Variants in TRPC4AP observed in about 807,000 individuals in gnomAD.
TRPC4AP encodes the protein short transient receptor potential channel 4-associated protein.
In TRPC4AP, 45 loss-of-function variants were observed where a neutral mutation model predicts 99.0. That is an observed-to-expected ratio of 0.45 (90% CI 0.36 to 0.58). The LOEUF (loss-of-function observed/expected upper bound fraction) is 0.58. TRPC4AP is among the 20% of genes least tolerant of loss of function. The probability of loss-of-function intolerance (pLI) is 0.00; values close to 1 mark genes in which losing one functional copy is unlikely to be tolerated. For synonymous variants in TRPC4AP, 408 were observed against 385.8 expected, an observed-to-expected ratio of 1.06 and a Z score of -0.67; for missense variants, 879 against 985.3, an observed-to-expected ratio of 0.89 and a Z score of 1.44.
chr20:35,038,930 C>T (rs1467956144), intron 7 of TRPC4AP, among the ~76,000 whole-genome samples: 1 of 152,036 alleles, frequency 6.6e-6, no homozygotes, highest in Non-Finnish European at 1.5e-5. Flanking sequence ...AAAAATTAGT[C>T]GGGCCTGGTG....
intron 8 of TRPC4AP, among the ~76,000 whole-genome samples, chr20:35,027,542 T>C (rs908481884): frequency 2.0e-4 from 31 of 152,210 alleles, no homozygotes; most frequent in African/African-American, 6.3e-4. Context: ...AAAGAGTAAG[T>C]TGGGAACTGT....
chr20:35,076,093 T>G (rs1223807159), intron 2 of TRPC4AP, among the ~76,000 whole-genome samples: 2 of 152,236 alleles, frequency 1.3e-5, no homozygotes, highest in Non-Finnish European at 2.9e-5. Context: ...TTTCGAGCCA[T>G]GGTGTTCAGC....
intron 3 of TRPC4AP, among the ~76,000 whole-genome samples, chr20:35,066,075 AAT>A (rs540978211): frequency 9.1e-4 from 138 of 152,300 alleles, no homozygotes; most frequent in African/African-American, 3.2e-3. Flanking sequence ...AAACTTTAAT[AAT>A]TGAAGTATAA....
chr20:35,084,559 T>G lies in TRPC4AP; in HGVS notation c.169-6385A>C, dbSNP rs1381563226. On this transcript the variant is annotated intron_variant, in intron 1 of 18. Coordinates refer to ENST00000252015, the MANE Select transcript of TRPC4AP (RefSeq NM_015638.3). Reference sequence around the variant, plus strand: ...ATATGTATATGTATATATGTTTATATGCATATATGTGTATATGTATATATG... The same window carrying G: ...ATATGTATATGTATATATGTTTATAGGCATATATGTGTATATGTATATATG... Among the ~76,000 whole-genome samples the G allele has an allele frequency of 1.4e-5, 2 of 139,256 alleles. 1 individual carries two copies. Among genetic ancestry groups the G allele is most frequent in the African/African-American group, 5.2e-5 (2 of 38,608 alleles). The allele number at this position is 139,256 out of a possible 152,430, so 91.4% of individuals were successfully genotyped here.
intron 8 of TRPC4AP, among the ~76,000 whole-genome samples, chr20:35,030,744 ATG>A (rs2083170036): frequency 6.6e-6 from 1 of 152,184 alleles, no homozygotes; most frequent in Non-Finnish European, 1.5e-5. Context: ...ATGTTTCCAT[ATG>A]TTATAGGTTC....
chr20:35,058,494 C>T (rs116315378), intron 3 of TRPC4AP, among the ~76,000 whole-genome samples: 5 of 151,924 alleles, frequency 3.3e-5, no homozygotes, highest in Admixed American at 6.6e-5. Context: ...AAAATCAGAA[C>T]GAAATTTGGG....
In TRPC4AP at chr20:35,003,033, G is replaced by T; in HGVS notation, c.*113C>A. ...CCCTCCCACCAAGCCTGTACCCAAAGACCTGGGGCAGGCAGAGAGCAGCAG... is the reference window on the plus strand; with the variant it reads ...CCCTCCCACCAAGCCTGTACCCAAATACCTGGGGCAGGCAGAGAGCAGCAG... On this transcript the variant is annotated 3_prime_UTR_variant, in exon 19 of 19. Transcript: ENST00000252015. 6.8e-7 allele frequency: 1 copy of T among 1,466,806 alleles called. No homozygotes were observed. The highest frequency in any genetic ancestry group is 9.3e-7 in the Non-Finnish European group (1 of 1,080,246). The allele number at this position is 1,466,806 out of a possible 1,614,324, so 90.9% of individuals were successfully genotyped here. A position where few individuals can be genotyped will look rare whatever the true frequency, so the allele number is the denominator to read the frequency against.
Position 35,035,138 on chromosome 20 carries a change from A to T in TRPC4AP, c.1036T>A (p.Ser346Thr). The change falls in exon 8 of 19, where the codon TCA (serine) becomes ACA (threonine). Residue 346 changes from serine to threonine, a missense_variant. Ser to Thr is a moderately conservative substitution (Grantham distance 58, BLOSUM62 1). Around this residue, in one of 3 missense-constraint regions of TRPC4AP, gnomAD observed 603 missense variants for 631.8 expected, o/e 0.95. Coordinates refer to ENST00000252015, the MANE Select transcript of TRPC4AP (RefSeq NM_015638.3). Reference sequence around the variant, plus strand: ...CCTTCCATACCTTGATTGTGCTCTGACTCCTCATTGGCCACTCGCATCAGG... The same window carrying T: ...CCTTCCATACCTTGATTGTGCTCTGTCTCCTCATTGGCCACTCGCATCAGG... ...DALMRVANEE[S>T]EHNQASIVFP... 1.2e-6 allele frequency: 2 copies of T among 1,602,176 alleles called. No individual in the cohort carries two copies. Among genetic ancestry groups the T allele is most frequent in the Non-Finnish European group, 1.7e-6 (2 of 1,169,636 alleles).
At chr20:35,057,665 C>T (rs2083872835) in intron 3 of TRPC4AP, 94 bp from the exon 4 acceptor site, 1 of 997,810 alleles carries the variant, frequency 1.0e-6, no homozygotes, top group South Asian at 1.5e-5. Flanking sequence ...ATGTATCTGT[C>T]ACAGTATTAC....
At chr20:35,070,718 C>T (rs767741035) in intron 2 of TRPC4AP, among the ~76,000 whole-genome samples, 5 of 152,290 alleles carry the variant, frequency 3.3e-5, no homozygotes, top group Non-Finnish European at 7.4e-5. Context: ...TATTTCTTCC[C>T]TAGACTAAAC....
At chr20:35,025,493 A>T (rs1161478217) in intron 8 of TRPC4AP, among the ~76,000 whole-genome samples, 1 of 152,026 alleles carries the variant, frequency 6.6e-6, no homozygotes, top group African/African-American at 2.4e-5. Flanking sequence ...TTTGATTTGC[A>T]TTTCCCTGAC....
intron 2 of TRPC4AP, among the ~76,000 whole-genome samples, chr20:35,071,375 G>A (rs1191886792): frequency 6.6e-6 from 1 of 151,904 alleles, no homozygotes; most frequent in Non-Finnish European, 1.5e-5. Context: ...TTGGTGCGCT[G>A]TACCCATTAA....
intron 2 of TRPC4AP, among the ~76,000 whole-genome samples, chr20:35,071,722 G>A (rs1462872143): frequency 1.3e-5 from 2 of 152,126 alleles, no homozygotes; most frequent in African/African-American, 2.4e-5. Context: ...TTTTGCTATT[G>A]TGAATAGTGC....
At chr20:35,089,372 A>G (rs899626265) in intron 1 of TRPC4AP, among the ~76,000 whole-genome samples, 1 of 148,756 alleles carries the variant, frequency 6.7e-6, no homozygotes, top group Non-Finnish European at 1.5e-5. Context: ...GACTACAGGC[A>G]TGCATTTCCA....
At chr20:35,069,883 G>A (rs1309896949) in intron 2 of TRPC4AP, among the ~76,000 whole-genome samples, 1 of 152,284 alleles carries the variant, frequency 6.6e-6, no homozygotes, top group Middle Eastern at 3.4e-3. Flanking sequence ...AGACGTTGCA[G>A]TGAGCCAACA....
intron 6 of TRPC4AP, among the ~76,000 whole-genome samples, chr20:35,045,543 T>A (rs1245592626): frequency 2.0e-5 from 3 of 152,078 alleles, no homozygotes; most frequent in African/African-American, 7.2e-5. Context: ...GCTACTTTTT[T>A]AATATTTTTT....
chr20:35,004,890 G>A (rs2082484324), intron 16 of TRPC4AP, among the ~76,000 whole-genome samples: 1 of 152,162 alleles, frequency 6.6e-6, no homozygotes, highest in East Asian at 1.9e-4. Flanking sequence ...CCCTCCACAG[G>A]AAGATGGATC....
At chr20:35,012,395 GGC>G (rs2082659265) in intron 11 of TRPC4AP, among the ~76,000 whole-genome samples, 1 of 152,228 alleles carries the variant, frequency 6.6e-6, no homozygotes, top group African/African-American at 2.4e-5. Context: ...ACACGCAGCT[GGC>G]TGGAGCTGAG....
chr20:35,054,901 C>T, intron 5 of TRPC4AP, 75 bp downstream of exon 5: 3 of 1,308,032 alleles, frequency 2.3e-6, no homozygotes, highest in South Asian at 1.3e-5. Context: ...TGCCATTCTA[C>T]TCGAATATTC....
Sources: allele counts gnomAD v4.1 joint callset (sites outside exome capture counted in the v4.1 genomes callset), GRCh38; gene constraint gnomAD v4.1.1; regional missense constraint gnomAD v4.1.1; transcripts MANE v1.5; gene names NCBI Gene and HGNC (gene_info 2026-07-23, HGNC 2026-07-21).